The following EPHA6 variants were observed in gnomAD, a reference collection of about 807,000 sequenced individuals.
EPHA6 encodes ephrin type-A receptor 6.
In EPHA6, 50 loss-of-function variants were observed where a neutral mutation model predicts 112.0. The ratio of observed to expected loss-of-function variants is 0.45; its 90% CI spans 0.36 to 0.56. The LOEUF is 0.56. EPHA6 is among the 20% of genes least tolerant of loss of function. The pLI, the probability that EPHA6 is intolerant of heterozygous loss-of-function variation, is 0.00. For synonymous variants in EPHA6, 529 were observed against 490.7 expected (o/e 1.08, Z -1.03); for missense variants, 1,280 against 1,417.4 (o/e 0.90, Z 1.56).
chr3:97,636,295 C>A (rs1031011194), intron 13 of EPHA6, among the ~76,000 whole-genome samples: 1 of 152,060 alleles, frequency 6.6e-6, no homozygotes, highest in African/African-American at 2.4e-5. Flanking sequence ...ACTTTCAATT[C>A]CACTCAAAGG....
chr3:96,904,288 T>G (rs1446242916), intron 2 of EPHA6, among the ~76,000 whole-genome samples: 1 of 151,794 alleles, frequency 6.6e-6, no homozygotes, highest in Admixed American at 6.6e-5. Context: ...TAAAAAATGA[T>G]GAGTTCATGT....
intron 6 of EPHA6, among the ~76,000 whole-genome samples, chr3:97,408,479 T>A (rs2087505741): frequency 6.6e-6 from 1 of 152,094 alleles, no homozygotes; most frequent in South Asian, 2.1e-4. Flanking sequence ...TTCCTTCTCT[T>A]GCTTCTTTGT....
In EPHA6 at chr3:97,759,884, G is replaced by A. The variant is rs185811764; in HGVS notation, c.*11183G>A. ...TTTGAGACATCTTATTGGAAGACCC[G>A]AAACTTTGAATTCTGTGGTTTCCAA... On this transcript the variant is annotated 3_prime_UTR_variant, in exon 18 of 18. Coordinates refer to ENST00000389672, the MANE Select transcript of EPHA6 (RefSeq NM_001080448.3). The A allele has an allele frequency of 9.4e-5, 19 of 202,588 alleles. No homozygotes were observed. The highest frequency in any genetic ancestry group is 6.0e-4 in the East Asian group (8 of 13,262). The allele number at this position is 202,588 out of a possible 1,614,324, so 12.5% of individuals were successfully genotyped here.
intron 3 of EPHA6, among the ~76,000 whole-genome samples, chr3:97,026,639 T>C (rs1030734584): frequency 1.3e-5 from 2 of 151,972 alleles, no homozygotes; most frequent in African/African-American, 4.8e-5. Flanking sequence ...AGGACATGAA[T>C]AGACACTTTT....
rs909166199 is a variant in EPHA6, at chr3:97,750,101, G to T, written c.*1400G>T. On this transcript the variant is annotated 3_prime_UTR_variant, in exon 18 of 18. Transcript: ENST00000389672. The stretch of plus-strand genomic sequence containing the variant: ...AACAAATTAAATTATAAAATCAGCT[G>T]CTCCCTGTAAAACTAAAAAAATGAC... 3.9e-5 allele frequency among the ~76,000 whole-genome samples: 6 copies of T among 152,138 alleles called. No individual in the cohort carries two copies. Among genetic ancestry groups the T allele is most frequent in the African/African-American group, 1.4e-4 (6 of 41,520 alleles).
chr3:97,062,681 T>G (rs1326471765), intron 3 of EPHA6, among the ~76,000 whole-genome samples: 3 of 152,168 alleles, frequency 2.0e-5, no homozygotes, highest in Non-Finnish European at 2.9e-5. Flanking sequence ...TCTTATGAGA[T>G]CTGATGGTTT....
Position 97,637,880 on chromosome 3 carries a change from A to AT in EPHA6, c.2583dup (p.Gly862TrpfsTer24). On this transcript the variant is annotated frameshift_variant, in exon 14 of 18. Transcript: ENST00000389672. LOFTEE classifies it high-confidence loss of function. ...ATTGTGATTCTCTTGCAGAAGCATG[A>AT]TGGCCACTTCACAGTCATCCAGTTG... 4 of 1,613,744 alleles carry AT rather than the reference A, an allele frequency of 2.5e-6. No homozygotes were observed. Among genetic ancestry groups the AT allele is most frequent in the Non-Finnish European group, 3.4e-6 (4 of 1,179,652 alleles).
At chr3:97,494,999 A>G (rs2091939965) in intron 10 of EPHA6, among the ~76,000 whole-genome samples, 1 of 152,076 alleles carries the variant, frequency 6.6e-6, no homozygotes, top group Admixed American at 6.6e-5. Context: ...CAATACTCCA[A>G]ATGTTTTCTA....
chr3:97,446,629 T>C (rs866364696), intron 6 of EPHA6, among the ~76,000 whole-genome samples: 2 of 152,160 alleles, frequency 1.3e-5, no homozygotes, highest in Middle Eastern at 3.2e-3. Context: ...GAGACAGCAC[T>C]CAAAATGCAC....
At chr3:97,281,857 G>T (rs1043330547) in intron 5 of EPHA6, among the ~76,000 whole-genome samples, 9 of 151,922 alleles carry the variant, frequency 5.9e-5, no homozygotes, top group African/African-American at 1.9e-4. Context: ...CTTTAAATTT[G>T]GTTGAATTTT....
Position 96,920,471 on chromosome 3 carries a change from A to C in EPHA6, c.450+53582A>C, listed in dbSNP as rs557058257. Reference sequence around the variant, plus strand: ...CTGAATGTTTACTTTAGTGCCAAAGACCCAATCTTCAGGGGTTCTTAAAAG... The same window carrying C: ...CTGAATGTTTACTTTAGTGCCAAAGCCCCAATCTTCAGGGGTTCTTAAAAG... On this transcript the variant is annotated intron_variant, in intron 2 of 17. Transcript: ENST00000389672. 5.3e-5 allele frequency among the ~76,000 whole-genome samples: 8 copies of C among 152,042 alleles called. No individual in the cohort carries two copies. The East Asian group carries it at 1.5e-3, about 29-fold the overall frequency.
intron 2 of EPHA6, among the ~76,000 whole-genome samples, chr3:96,943,299 G>A (rs1459698841): frequency 1.3e-5 from 2 of 151,880 alleles, no homozygotes. Context: ...TCACCAAAAA[G>A]AAATGATAAA....
chr3:97,157,114 A>T (rs1304305648), intron 3 of EPHA6, among the ~76,000 whole-genome samples: 1 of 152,146 alleles, frequency 6.6e-6, no homozygotes, highest in East Asian at 1.9e-4. Context: ...TAACCTTTAT[A>T]GAGAAAGGAT....
At position 97,752,590 on chromosome 3, in the gene EPHA6, T is replaced by C. The variant is rs2035928831; in HGVS notation, c.*3889T>C. The C allele has an allele frequency of 4.6e-6, 1 of 215,900 alleles. No individual in the cohort carries two copies. The allele number at this position is 215,900 out of a possible 1,614,324, so 13.4% of individuals were successfully genotyped here. On this transcript the variant is annotated 3_prime_UTR_variant, in exon 18 of 18. Transcript: ENST00000389672. ...TCTAAAAAGATTGTATAGACTTTTT[T>C]AGAAGAGGCTTGGGGCAGGGGGATG...
At chr3:97,124,926 G>A (rs1176709778) in intron 3 of EPHA6, among the ~76,000 whole-genome samples, 1 of 151,704 alleles carries the variant, frequency 6.6e-6, no homozygotes, top group African/African-American at 2.4e-5. Flanking sequence ...CTTTTGACTT[G>A]CTGGAAGCAT....
chr3:97,505,452 T>C (rs2092224937), intron 10 of EPHA6, among the ~76,000 whole-genome samples: 1 of 152,044 alleles, frequency 6.6e-6, no homozygotes, highest in Non-Finnish European at 1.5e-5. Flanking sequence ...GGTTGTCTGT[T>C]CCTGTGTTAG....
chr3:97,332,120 C>A (rs180927583), intron 5 of EPHA6, among the ~76,000 whole-genome samples: 6 of 152,146 alleles, frequency 3.9e-5, no homozygotes, highest in African/African-American at 1.2e-4. Flanking sequence ...AATCAATAAA[C>A]GTAATCCAGC....
At chr3:97,346,107 G>A (rs1020250267) in intron 5 of EPHA6, among the ~76,000 whole-genome samples, 1 of 151,880 alleles carries the variant, frequency 6.6e-6, no homozygotes, top group African/African-American at 2.4e-5. Flanking sequence ...GAGGGGTTGG[G>A]GTCTACTATC....
chr3:97,553,288 C>T (rs1273539003), intron 11 of EPHA6, among the ~76,000 whole-genome samples: 1 of 152,046 alleles, frequency 6.6e-6, no homozygotes, highest in Non-Finnish European at 1.5e-5. Flanking sequence ...TGCTTTGGGG[C>T]TTTCCTGTGT....
Sources: gnomAD v4.1 joint callset for allele counts (sites outside exome capture counted in the v4.1 genomes callset) on GRCh38, gnomAD v4.1.1 for gene constraint, MANE v1.5 for transcripts, NCBI Gene and HGNC (gene_info 2026-07-23, HGNC 2026-07-21) for gene names.